Variants in CEP128 observed in about 807,000 individuals in gnomAD.
The protein encoded by CEP128 is centrosomal protein 128kDa.
In CEP128, 132 loss-of-function variants were observed where a neutral mutation model predicts 156.7. That is an observed-to-expected ratio of 0.84 (90% confidence interval 0.73 to 0.97). The LOEUF (loss-of-function observed/expected upper bound fraction) is 0.97. Among genes scored for constraint, CEP128 ranks in the 50% least tolerant of loss-of-function variants. The pLI is 0.00. For missense variants in CEP128, 1,252 were observed against 1,281.9 expected, an observed-to-expected ratio of 0.98 and a Z score of 0.36; for synonymous variants, 469 against 448.9, an observed-to-expected ratio of 1.04 and a Z score of -0.57.
chr14:80,905,270 TA>T lies in CEP128; in HGVS notation c.362-340del, dbSNP rs200707333. Among the ~76,000 whole-genome samples the T allele has an allele frequency of 6.6e-3, 1,002 of 151,492 alleles. 16 individuals carry two copies. Among genetic ancestry groups the T allele is most frequent in the African/African-American group, 0.023 (957 of 41,212 alleles). On this transcript the variant is annotated intron_variant, in intron 5 of 24. Coordinates refer to ENST00000555265, the MANE Select transcript of CEP128 (RefSeq NM_152446.5). ...ATGACCCCTTAATATAACTTAATAC[TA>T]AAAAAAACAACTTTTCAAACTACAT...
At position 80,584,570 on chromosome 14, in the gene CEP128, T is replaced by C. The variant is rs1299566378; in HGVS notation, c.2807-4147A>G. On this transcript the variant is annotated intron_variant, in intron 19 of 24. Transcript: ENST00000555265. ...TGTATGCCACTGCTCACTCGTTAGGTGCATTGTTCAAGCACATGCATTTGG... is the reference window on the plus strand; with the variant it reads ...TGTATGCCACTGCTCACTCGTTAGGCGCATTGTTCAAGCACATGCATTTGG... Among the ~76,000 whole-genome samples the C allele has an allele frequency of 2.0e-5, 3 of 152,184 alleles. No homozygotes were observed. In the South Asian group the frequency reaches 6.2e-4, roughly 32 times the overall value.
intron 8 of CEP128, among the ~76,000 whole-genome samples, chr14:80,864,668 C>T (rs1258685663): frequency 3.3e-5 from 5 of 151,972 alleles, no homozygotes; most frequent in Non-Finnish European, 5.9e-5. Context: ...GTGATTCTCC[C>T]GCCTCAGTCT....
chr14:80,729,059 G>GTGTGTGTGTGTGTGTGTGTGTGTGTGTT (rs1898147025), intron 19 of CEP128, among the ~76,000 whole-genome samples: 1 of 16,450 alleles, frequency 6.1e-5, no homozygotes, highest in Non-Finnish European at 1.5e-4. Flanking sequence ...GCTGGTGGGG[G>GTGTGTGTGTGTGTGTGTGTGTGTGTGTT]TGTGTGTGTG....
chr14:80,625,104 T>C (rs1306918036), intron 19 of CEP128, among the ~76,000 whole-genome samples: 1 of 152,174 alleles, frequency 6.6e-6, no homozygotes, highest in African/African-American at 2.4e-5. Flanking sequence ...GTTTTGTATA[T>C]GGTTAGAGAC....
At chr14:80,853,961 T>G (rs1887021021) in intron 9 of CEP128, among the ~76,000 whole-genome samples, 1 of 136,446 alleles carries the variant, frequency 7.3e-6, no homozygotes, top group Non-Finnish European at 1.6e-5. Context: ...GATCCTTTCC[T>G]CTCTCCTATT....
At chr14:80,603,676 CATT>C (rs1012142315) in intron 19 of CEP128, among the ~76,000 whole-genome samples, 2 of 152,210 alleles carry the variant, frequency 1.3e-5, no homozygotes, top group South Asian at 2.1e-4. Context: ...CAATTTTCAT[CATT>C]ATTATTTCAT....
At chr14:80,793,784 A>G (rs1901841825) in intron 13 of CEP128, among the ~76,000 whole-genome samples, 1 of 152,180 alleles carries the variant, frequency 6.6e-6, no homozygotes, top group African/African-American at 2.4e-5. Flanking sequence ...GCTTCCCTGA[A>G]GCCAGGATGG....
chr14:80,828,366 G>A (rs1421689612), intron 13 of CEP128, among the ~76,000 whole-genome samples: 5 of 152,042 alleles, frequency 3.3e-5, no homozygotes, highest in African/African-American at 1.2e-4. Context: ...CAAGTGATCC[G>A]CCTGCCTTGG....
At chr14:80,657,282 T>C (rs1895215159) in intron 19 of CEP128, among the ~76,000 whole-genome samples, 1 of 149,574 alleles carries the variant, frequency 6.7e-6, no homozygotes, top group Non-Finnish European at 1.5e-5. Flanking sequence ...AAAAAAATGG[T>C]GGCTTGTCAT....
chr14:80,563,185 C>A (rs1365189099), intron 20 of CEP128, among the ~76,000 whole-genome samples: 1 of 152,050 alleles, frequency 6.6e-6, no homozygotes, highest in African/African-American at 2.4e-5. Flanking sequence ...CCCACCCTTC[C>A]AAACCACCAA....
intron 21 of CEP128, among the ~76,000 whole-genome samples, chr14:80,547,133 C>A (rs1182378275): frequency 1.3e-5 from 2 of 152,098 alleles, no homozygotes; most frequent in Non-Finnish European, 2.9e-5. Flanking sequence ...CAAGATAGAA[C>A]TAGTAATGCA....
chr14:80,581,323 T>C (rs1330691797), intron 19 of CEP128, among the ~76,000 whole-genome samples: 1 of 152,172 alleles, frequency 6.6e-6, no homozygotes, highest in African/African-American at 2.4e-5. Flanking sequence ...ACCAAGAGAC[T>C]ATGTTACATA....
chr14:80,715,294 A>C (rs566855732), intron 19 of CEP128, among the ~76,000 whole-genome samples: 6 of 152,198 alleles, frequency 3.9e-5, no homozygotes, highest in Non-Finnish European at 7.3e-5. Flanking sequence ...TTTAGTCAAG[A>C]CATGCAAATA....
chr14:80,591,018 G>A (rs536395774), intron 19 of CEP128, among the ~76,000 whole-genome samples: 17 of 152,088 alleles, frequency 1.1e-4, no homozygotes, highest in South Asian at 2.1e-4. Context: ...CACTAAATAC[G>A]GAAAGGAAAA....
At chr14:80,517,454 T>C (rs1888541949) in intron 23 of CEP128, among the ~76,000 whole-genome samples, 1 of 152,200 alleles carries the variant, frequency 6.6e-6, no homozygotes, top group East Asian at 1.9e-4. Flanking sequence ...TTTTCTAATT[T>C]TTCTTTTGAT....
intron 2 of CEP128, among the ~76,000 whole-genome samples, chr14:80,946,842 A>AT (rs1038633741): frequency 1.3e-5 from 2 of 152,182 alleles, no homozygotes; most frequent in African/African-American, 4.8e-5. Context: ...TGGAATTGCA[A>AT]TCCCTAATGT....
intron 13 of CEP128, among the ~76,000 whole-genome samples, chr14:80,821,528 T>C (rs1885169623): frequency 6.6e-6 from 1 of 151,960 alleles, no homozygotes; most frequent in Non-Finnish European, 1.5e-5. Flanking sequence ...AATAGATCCA[T>C]AGATAATAAA....
intron 16 of CEP128, among the ~76,000 whole-genome samples, chr14:80,774,014 T>G (rs1900654003): frequency 6.6e-6 from 1 of 152,154 alleles, no homozygotes. Context: ...CATGTAAAAC[T>G]GAAAAATAAC....
At chr14:80,846,907 C>T (rs1811981444) in intron 9 of CEP128, among the ~76,000 whole-genome samples, 1 of 152,056 alleles carries the variant, frequency 6.6e-6, no homozygotes, top group African/African-American at 2.4e-5. Flanking sequence ...TATCATTATT[C>T]AATACTAGGC....
Sources: allele counts gnomAD v4.1 joint callset (sites outside exome capture counted in the v4.1 genomes callset), GRCh38; gene constraint gnomAD v4.1.1; transcripts MANE v1.5; gene names NCBI Gene and HGNC (gene_info 2026-07-23, HGNC 2026-07-21).